Variants in NRXN1 observed in about 807,000 individuals in gnomAD.
The protein encoded by NRXN1 is neurexin 1, also known as neurexin-1.
A neutral mutation model predicts 150.9 loss-of-function variants in NRXN1; 39 were observed. That is an observed-to-expected ratio of 0.26 (90% CI 0.20 to 0.34). The LOEUF (loss-of-function observed/expected upper bound fraction) is 0.34. NRXN1 is among the 10% of genes least tolerant of loss of function. The pLI is 1.00. For synonymous variants in NRXN1, 924 were observed against 757.0 expected (o/e 1.22, Z -3.62); for missense variants, 1,815 against 1,949.9 (o/e 0.93, Z 1.30).
At chr2:50,871,893 T>C (rs1023110749) in intron 5 of NRXN1, among the ~76,000 whole-genome samples, 12 of 151,988 alleles carry the variant, frequency 7.9e-5, no homozygotes, top group Admixed American at 2.6e-4. Context: ...AAGCCCTTGG[T>C]ATATAATGTT....
intron 18 of NRXN1, among the ~76,000 whole-genome samples, chr2:50,222,031 A>G (rs556715971): frequency 6.6e-6 from 1 of 152,160 alleles, no homozygotes; most frequent in South Asian, 2.1e-4. Flanking sequence ...TTGAAATAAA[A>G]AGTGACTAGA....
intron 1 of NRXN1, 21 bp from the exon 2 acceptor site, chr2:51,029,215 A>G (rs1433598803): frequency 6.6e-6 from 1 of 152,212 alleles, no homozygotes; most frequent in Non-Finnish European, 1.5e-5. Flanking sequence ...TTAAAGTCAA[A>G]ATTAAGGTCT....
chr2:50,851,814 G>A (rs1009633494), intron 5 of NRXN1, among the ~76,000 whole-genome samples: 8 of 152,014 alleles, frequency 5.3e-5, no homozygotes, highest in Admixed American at 2.6e-4. Context: ...TCAGGCCCTC[G>A]AAAGGACCCT....
intron 2 of NRXN1, among the ~76,000 whole-genome samples, chr2:50,933,223 T>C (rs1027512205): frequency 6.6e-6 from 1 of 152,156 alleles, no homozygotes; most frequent in Non-Finnish European, 1.5e-5. Context: ...ACTCGTTTCA[T>C]ACCCATCACA....
intron 8 of NRXN1, among the ~76,000 whole-genome samples, chr2:50,604,183 T>C (rs774434118): frequency 2.5e-4 from 38 of 152,208 alleles, no homozygotes; most frequent in Non-Finnish European, 4.0e-4. Context: ...CAGAGTTTTC[T>C]AGAAATATCC....
At chr2:50,907,909 T>C (rs188971086) in intron 5 of NRXN1, among the ~76,000 whole-genome samples, 60 of 152,226 alleles carry the variant, frequency 3.9e-4, no homozygotes, top group Admixed American at 5.9e-4. Flanking sequence ...TAATTTGTTA[T>C]GGCATCAATA....
At chr2:50,835,847 A>G (rs1672030188) in intron 5 of NRXN1, among the ~76,000 whole-genome samples, 1 of 152,186 alleles carries the variant, frequency 6.6e-6, no homozygotes. Context: ...CTTTCCTTAC[A>G]AACTAGGTTG....
chr2:50,527,726 A>G lies in NRXN1; in HGVS notation c.2374+899T>C, dbSNP rs564865069. Among the ~76,000 whole-genome samples, 6 of 152,238 alleles carry G rather than the reference A, an allele frequency of 3.9e-5. No individual in the cohort carries two copies. The East Asian group carries it at 7.7e-4, about 20-fold the overall frequency. ...TTATTGCCACTTGAAAACATGGCCA[A>G]TGCTGTGGGGAGTAGACTCCATCAA... On this transcript the variant is annotated intron_variant, in intron 12 of 22. Coordinates refer to ENST00000401669, the MANE Select transcript of NRXN1 (RefSeq NM_001330078.2).
At chr2:50,555,314 T>A (rs2105358478) in intron 8 of NRXN1, among the ~76,000 whole-genome samples, 1 of 152,272 alleles carries the variant, frequency 6.6e-6, no homozygotes, top group South Asian at 2.1e-4. Flanking sequence ...TGGTATATTG[T>A]CTCTTGAATC....
chr2:50,228,459 G>C (rs1204752063), intron 18 of NRXN1, among the ~76,000 whole-genome samples: 1 of 150,538 alleles, frequency 6.6e-6, no homozygotes, highest in East Asian at 2.0e-4. Flanking sequence ...GGGTGATTGG[G>C]AGATGATGAG....
At chr2:50,647,023 A>G (rs1684914843) in intron 5 of NRXN1, among the ~76,000 whole-genome samples, 1 of 146,606 alleles carries the variant, frequency 6.8e-6, no homozygotes, top group Admixed American at 6.9e-5. Flanking sequence ...TGAGAGGGCA[A>G]TTTTTTTTTT....
chr2:49,934,279 C>A (rs1258962590), intron 22 of NRXN1, among the ~76,000 whole-genome samples: 1 of 152,108 alleles, frequency 6.6e-6, no homozygotes, highest in Admixed American at 6.5e-5. Context: ...CCACTTCCTT[C>A]CCTGCTCTGG....
intron 22 of NRXN1, among the ~76,000 whole-genome samples, chr2:49,924,237 T>A (rs1668702891): frequency 6.6e-6 from 1 of 152,210 alleles, no homozygotes; most frequent in Non-Finnish European, 1.5e-5. Context: ...TCCAGCCTGA[T>A]GGAATGCTTT....
At chr2:50,756,050 A>C (rs141194832) in intron 5 of NRXN1, among the ~76,000 whole-genome samples, 227 of 151,950 alleles carry the variant, frequency 1.5e-3, no homozygotes, top group African/African-American at 5.2e-3. Context: ...TTGACTTGCT[A>C]ATTTCATAAA....
rs148438920 is a variant in NRXN1, at chr2:50,502,314, G to C, written c.2497+4181C>G. 3.9e-5 allele frequency among the ~76,000 whole-genome samples: 6 copies of C among 152,186 alleles called. No homozygotes were observed. In the East Asian group the frequency reaches 1.2e-3, roughly 29 times the overall value. On this transcript the variant is annotated intron_variant, in intron 13 of 22. Coordinates refer to ENST00000401669, the MANE Select transcript of NRXN1 (RefSeq NM_001330078.2). ...ACTCAGCATTTGATGTTAAGTCTTA[G>C]GAAGGAAGAAATGAGACAAACAGTC...
At chr2:50,632,674 A>C (rs993035952) in intron 5 of NRXN1, 8 of 152,110 alleles carry the variant, frequency 5.3e-5, no homozygotes, top group African/African-American at 1.9e-4. Flanking sequence ...TAAGAATTAT[A>C]AAGACAATTT....
At chr2:50,205,725 G>A (rs1179061954) in intron 18 of NRXN1, among the ~76,000 whole-genome samples, 1 of 151,748 alleles carries the variant, frequency 6.6e-6, no homozygotes, top group African/African-American at 2.4e-5. Context: ...ATTGATGAAT[G>A]GATAAATAAT....
At chr2:50,898,660 CA>C (rs1682414034) in intron 5 of NRXN1, 2 of 414,392 alleles carry the variant, frequency 4.8e-6, no homozygotes, top group Non-Finnish European at 9.5e-6. Context: ...TCCCACATTT[CA>C]AAAATTTAAT....
intron 5 of NRXN1, among the ~76,000 whole-genome samples, chr2:50,809,478 A>G (rs1424369257): frequency 6.6e-6 from 1 of 152,162 alleles, no homozygotes; most frequent in Non-Finnish European, 1.5e-5. Flanking sequence ...CCAGAAATTA[A>G]GTGTTAACAT....
Sources: gnomAD v4.1 joint callset for allele counts (sites outside exome capture counted in the v4.1 genomes callset) on GRCh38, gnomAD v4.1.1 for gene constraint, MANE v1.5 for transcripts, NCBI Gene and HGNC (gene_info 2026-07-23, HGNC 2026-07-21) for gene names.